CLIC5: variants seen among roughly 807,000 people sequenced by gnomAD.
The protein encoded by CLIC5 is CLIC family member 5.
In CLIC5, 20 loss-of-function variants were observed where a neutral mutation model predicts 24.7. The ratio of observed to expected loss-of-function variants is 0.81; its 90% CI spans 0.57 to 1.18. CLIC5 has a LOEUF of 1.18. Ranked by LOEUF, CLIC5 falls within the 50% of genes most tolerant of loss-of-function variation. The probability of loss-of-function intolerance (pLI) is 0.00; values close to 1 mark genes in which losing one functional copy is unlikely to be tolerated. For synonymous variants in CLIC5, 159 were observed against 135.6 expected, an observed-to-expected ratio of 1.17 and a Z score of -1.20; for missense variants, 341 against 326.1, an observed-to-expected ratio of 1.05 and a Z score of -0.35.
At chr6:45,998,843 C>A (rs117876442) in intron 1 of CLIC5, among the ~76,000 whole-genome samples, 1 of 152,324 alleles carries the variant, frequency 6.6e-6, no homozygotes, top group East Asian at 1.9e-4. Flanking sequence ...CAGCTCACAC[C>A]TGTTTTTGTA....
intron 5 of CLIC5, among the ~76,000 whole-genome samples, chr6:45,910,858 G>A (rs1289631792): frequency 6.6e-6 from 1 of 152,224 alleles, no homozygotes; most frequent in Non-Finnish European, 1.5e-5. Flanking sequence ...AGAAGGGAGG[G>A]AGAAGCCCAT....
At chr6:46,021,123 A>T (rs938816899) in intron 1 of CLIC5, among the ~76,000 whole-genome samples, 1 of 151,932 alleles carries the variant, frequency 6.6e-6, no homozygotes, top group East Asian at 1.9e-4. Flanking sequence ...AGCTAAAAAA[A>T]TAGGCAAAAT....
intron 4 of CLIC5, among the ~76,000 whole-genome samples, chr6:45,926,244 T>TATATATA (rs1479166444): frequency 1.1e-4 from 11 of 96,008 alleles, no homozygotes; most frequent in Non-Finnish European, 2.7e-4. Flanking sequence ...TATATATATA[T>TATATATA]TTTATTTTTT....
chr6:45,898,928 A>G lies in CLIC5; in HGVS notation c.*4160T>C, dbSNP rs1762440672. 6.6e-6 allele frequency: 1 copy of G among 152,288 alleles called. No homozygotes were observed. The highest frequency in any genetic ancestry group is 2.4e-5 in the African/African-American group (1 of 41,474). 9.4% of individuals were successfully genotyped at this position (152,288 alleles called of 1,614,324 possible). A position where few individuals can be genotyped will look rare whatever the true frequency, so the allele number is the denominator to read the frequency against. On this transcript the variant is annotated 3_prime_UTR_variant, in exon 6 of 6. Transcript: ENST00000339561. ...CAGATTGCTTCTATAGAAACACAGA[A>G]TAGCCCAAACCTTATATTGAGGCAA...
At chr6:45,941,793 A>C in intron 3 of CLIC5, 140 bp from the exon 4 acceptor site, 1 of 708,230 alleles carries the variant, frequency 1.4e-6, no homozygotes. Context: ...TCCTCATACT[A>C]TAGGGAGGGT....
intron 1 of CLIC5, among the ~76,000 whole-genome samples, chr6:46,033,387 C>G (rs1767567673): frequency 6.6e-6 from 1 of 151,870 alleles, no homozygotes; most frequent in Non-Finnish European, 1.5e-5. Context: ...TTTCCTGTGT[C>G]AGGCATTTGG....
rs5875950 is a variant in CLIC5 at position 45,962,483 on chromosome 6, C to CA, written c.64-7240dup. Among the ~76,000 whole-genome samples, 272 of 112,434 alleles carry CA rather than the reference C, an allele frequency of 2.4e-3. 1 individual carries two copies. Among genetic ancestry groups the CA allele is most frequent in the Admixed American group, 7.1e-3 (81 of 11,348 alleles). The allele number at this position is 112,434 out of a possible 152,430, so 73.8% of individuals were successfully genotyped here. On this transcript the variant is annotated intron_variant, in intron 1 of 5. Coordinates refer to ENST00000339561, the MANE Select transcript of CLIC5 (RefSeq NM_016929.5). ...CACCAATTTAAATGTTAATGTCATC[C>CA]AAAAAAAAAAAAAAAAAAGCACCTT...
At chr6:46,032,521 G>T (rs1578005) in intron 1 of CLIC5, among the ~76,000 whole-genome samples, 28,762 of 152,190 alleles carry the variant, frequency 0.19, 3,548 homozygotes, top group African/African-American at 0.35. Flanking sequence ...CTAATTAAGT[G>T]TTGGGGAAAG....
intron 5 of CLIC5, among the ~76,000 whole-genome samples, chr6:45,909,121 C>G (rs1762742652): frequency 6.7e-6 from 1 of 148,906 alleles, no homozygotes; most frequent in Non-Finnish European, 1.5e-5. Context: ...TTTTTATGTT[C>G]CATTTGTGTA....
intron 1 of CLIC5, among the ~76,000 whole-genome samples, chr6:45,965,483 C>G (rs1764987300): frequency 6.6e-6 from 1 of 152,186 alleles, no homozygotes; most frequent in Non-Finnish European, 1.5e-5. Context: ...CTCTCAACAT[C>G]CGGAAACATT....
At chr6:45,920,747 G>T in intron 4 of CLIC5, 2 of 711,846 alleles carry the variant, frequency 2.8e-6, no homozygotes, top group Non-Finnish European at 3.4e-6. Flanking sequence ...AAAGATCCAG[G>T]AGCAAGCGGG....
chr6:46,121,732 G>A, the CLIC5 span, among the ~76,000 whole-genome samples: 4 of 152,084 alleles, frequency 2.6e-5, no homozygotes, highest in Admixed American at 2.0e-4. Context: ...AAGGATGGAG[G>A]AAGATCTACC....
chr6:45,982,567 G>A (rs1765601635), intron 1 of CLIC5, among the ~76,000 whole-genome samples: 2 of 152,042 alleles, frequency 1.3e-5, no homozygotes, highest in African/African-American at 4.8e-5. Flanking sequence ...TTGCTATATT[G>A]AACACCGTAG....
chr6:45,939,655 T>C (rs1764062829), intron 4 of CLIC5, among the ~76,000 whole-genome samples: 1 of 152,130 alleles, frequency 6.6e-6, no homozygotes, highest in South Asian at 2.1e-4. Context: ...AAAAAATTTT[T>C]TTAGAGACAG....
intron 1 of CLIC5, among the ~76,000 whole-genome samples, chr6:45,972,510 G>C (rs1278553375): frequency 6.6e-6 from 1 of 152,172 alleles, no homozygotes; most frequent in Non-Finnish European, 1.5e-5. Context: ...GGAACTCCCA[G>C]AAAAGGCCCT....
chr6:45,920,615 A>G, intron 4 of CLIC5: 1 of 889,910 alleles, frequency 1.1e-6, no homozygotes. Context: ...CGTGATGGAA[A>G]CAAAAAATAA....
Position 45,913,737 on chromosome 6 carries a change from A to G in CLIC5, c.588+491T>C, listed in dbSNP as rs1338494253. The G allele has an allele frequency of 2.9e-5, 35 of 1,207,032 alleles. No individual in the cohort carries two copies. In the East Asian group the frequency reaches 1.1e-3, roughly 38 times the overall value. The allele number at this position is 1,207,032 out of a possible 1,614,324, so 74.8% of individuals were successfully genotyped here. On this transcript the variant is annotated intron_variant, in intron 5 of 5. Coordinates refer to ENST00000339561, the MANE Select transcript of CLIC5 (RefSeq NM_016929.5). Reference sequence around the variant, plus strand: ...AGTGACATCACTTCTTGCAACCTCCACCTCTTCATTTGATAGATGAGGAAA... The same window carrying G: ...AGTGACATCACTTCTTGCAACCTCCGCCTCTTCATTTGATAGATGAGGAAA...
At position 46,070,945 on chromosome 6, in the gene CLIC5, C is replaced by T. The variant is rs539712455; in HGVS notation, c.540+8758G>A. 1.9e-4 allele frequency among the ~76,000 whole-genome samples: 29 copies of T among 152,082 alleles called. No individual in the cohort carries two copies. In the East Asian group the frequency reaches 5.2e-3, roughly 27 times the overall value. On this transcript the variant is annotated intron_variant, in intron 1 of 5. Transcript: ENST00000185206. The stretch of plus-strand genomic sequence containing the variant: ...CGCACACCTATAACCATCAGATCTT[C>T]GACAAAGCTGACAAAAACAAGCAAT...
chr6:45,895,340 A>G (rs567016111), downstream of CLIC5, among the ~76,000 whole-genome samples: 1 of 152,354 alleles, frequency 6.6e-6, no homozygotes, highest in Admixed American at 6.5e-5. Context: ...TGACTAAATT[A>G]TTAACTCATC....
Sources: gnomAD v4.1 joint callset for allele counts (sites outside exome capture counted in the v4.1 genomes callset) on GRCh38, gnomAD v4.1.1 for gene constraint, MANE v1.5 for transcripts, NCBI Gene and HGNC (gene_info 2026-07-23, HGNC 2026-07-21) for gene names.